MGAT4B: variants seen among roughly 807,000 people sequenced by gnomAD.
MGAT4B encodes alpha-1,3-mannosyl-glycoprotein 4-beta-N-acetylglucosaminyltransferase B.
In MGAT4B, 38 loss-of-function variants were observed where a neutral mutation model predicts 73.9. That is an observed-to-expected ratio of 0.51 (90% confidence interval 0.40 to 0.67). The LOEUF (loss-of-function observed/expected upper bound fraction) is 0.67, where lower values mean the gene tolerates loss of function less well. Ranked by LOEUF, MGAT4B falls within the 30% of genes least tolerant of loss-of-function variation. MGAT4B has a pLI of 0.00. For synonymous variants in MGAT4B, 373 were observed against 313.5 expected, an observed-to-expected ratio of 1.19 and a Z score of -2.01; for missense variants, 686 against 735.2, an observed-to-expected ratio of 0.93 and a Z score of 0.77.
rs778521452 is a variant in MGAT4B at position 179,798,388 on chromosome 5, G to A, written c.1469C>T (p.Thr490Ile). The change falls in exon 13 of 15, where the codon ACC becomes ATC. Residue 490 changes from threonine (T) to isoleucine (I), a missense_variant. Coordinates refer to ENST00000292591, the MANE Select transcript of MGAT4B (RefSeq NM_014275.5). ...GTCGGGGCTCCGAGGGTACCGGAGG[G>A]TGGCGGTGCGGCCCTCCTGCAGGGC... ...KEALQEGRTA[T>I]LRYPRSPDGY... is the part of the protein sequence containing the mutation. 4 of 1,612,778 alleles carry A rather than the reference G, an allele frequency of 2.5e-6. No homozygotes were observed. In the African/African-American group the frequency reaches 4.0e-5, roughly 16 times the overall value.
rs200914476 is a variant in MGAT4B at position 179,801,559 on chromosome 5, G to T, written c.419C>A (p.Thr140Asn). ...CTCCCTGTCTGCGCCCATACCTCCG[G>T]TGCGGCCCTGGCCCACGCGCACCGC... ...QPAVRVGQGR[T>N]GVSVVMGIPS... Residue 140 changes from threonine to asparagine, a missense_variant, in exon 3 of 15, where the codon ACC becomes AAC. Thr to Asn is a moderately conservative substitution (Grantham distance 65). Around this residue, in one of 2 missense-constraint regions of MGAT4B, gnomAD observed 237 missense variants for 198.5 expected, o/e 1.19. Coordinates refer to ENST00000292591, the MANE Select transcript of MGAT4B (RefSeq NM_014275.5). This position sits in a 1 kb window ranked among gnomAD's most constrained non-coding sequence, Gnocchi z 4.8. 26 of 1,609,028 alleles carry T rather than the reference G, an allele frequency of 1.6e-5. No homozygotes were observed. In the East Asian group the frequency reaches 5.6e-4, roughly 35 times the overall value.
rs1756713462 is a variant in MGAT4B, at chr5:179,797,843, C to T, written c.*202G>A. 5 of 668,870 alleles carry T rather than the reference C, an allele frequency of 7.5e-6. No individual in the cohort carries two copies. The highest frequency in any genetic ancestry group is 6.6e-5 in the Admixed American group (2 of 30,096). 41.4% of individuals were successfully genotyped at this position (668,870 alleles called of 1,614,324 possible). On this transcript the variant is annotated 3_prime_UTR_variant, in exon 15 of 15. Transcript: ENST00000292591. ...CAGGCACAGTGTGGGGGCCGCCTGC[C>T]TCCTCCGCGGCCCGGCGGGCGGGGG...
intron 1 of MGAT4B, chr5:179,803,021 A>G (rs1397904731): frequency 4.1e-6 from 4 of 985,300 alleles, no homozygotes; most frequent in African/African-American, 1.7e-5. Context: ...GCCTCACCCC[A>G]CCAGCAGCCC....
At chr5:179,802,197 C>A (rs575875293) in intron 1 of MGAT4B, 393 of 1,484,366 alleles carry the variant, frequency 2.6e-4, no homozygotes, top group Non-Finnish European at 3.4e-4. Flanking sequence ...TACTCTCCCC[C>A]ACCGGGGGTT....
In MGAT4B at chr5:179,798,340, T is replaced by C. The variant is rs762055070; in HGVS notation, c.1510+7A>G. ...CCAGCCCACGCTCTCCCCCAAACCC[T>C]ACCCACCGATCTGGAGGTAGCCGTC... On this transcript the variant is annotated splice_region_variant and intron_variant, in intron 13 of 14. Coordinates refer to ENST00000292591, the MANE Select transcript of MGAT4B (RefSeq NM_014275.5). 6.2e-6 allele frequency: 10 copies of C among 1,612,762 alleles called. No individual in the cohort carries two copies. In the East Asian group the frequency reaches 2.2e-4, roughly 36 times the overall value.
chr5:179,797,926 G>C lies in MGAT4B; in HGVS notation c.*119C>G. 7.8e-6 allele frequency: 11 copies of C among 1,416,658 alleles called. No homozygotes were observed. The highest frequency in any genetic ancestry group is 1.1e-5 in the Non-Finnish European group (11 of 1,033,068). The allele number at this position is 1,416,658 out of a possible 1,614,324, so 87.8% of individuals were successfully genotyped here. A position where few individuals can be genotyped will look rare whatever the true frequency, so the allele number is the denominator to read the frequency against. ...GCGGACCCCAGGCCGGCCCAAGCCC[G>C]ACGCCAGGCAGAACCCTTTGGGCGG... is the stretch of plus-strand genomic sequence containing the variant. On this transcript the variant is annotated 3_prime_UTR_variant, in exon 15 of 15. Coordinates refer to ENST00000292591, the MANE Select transcript of MGAT4B (RefSeq NM_014275.5).
At position 179,804,424 on chromosome 5, in the gene MGAT4B, G is replaced by A. The variant is rs149829352; in HGVS notation, c.97+2063C>T. Among the ~76,000 whole-genome samples the A allele has an allele frequency of 1.1e-4, 16 of 152,278 alleles. No individual in the cohort carries two copies. In the East Asian group the frequency reaches 2.7e-3, roughly 26 times the overall value. Reference sequence around the variant, plus strand: ...GGGAGCGCTGCATGGCTGAGACCCCGGGCTGCCCCCAAGGGTCTGCCTCCC... The same window carrying A: ...GGGAGCGCTGCATGGCTGAGACCCCAGGCTGCCCCCAAGGGTCTGCCTCCC... On this transcript the variant is annotated intron_variant, in intron 1 of 14. Coordinates refer to ENST00000292591, the MANE Select transcript of MGAT4B (RefSeq NM_014275.5).
rs1204507305 is a variant in MGAT4B at position 179,801,670 on chromosome 5, T to C, written c.308A>G (p.Asn103Ser). Reference protein sequence around the residue: ...LTEDPRLKPWNGSHRHVLHLP... With the variant: ...LTEDPRLKPWSGSHRHVLHLP... ...GTGCAGCACGTGCCGGTGTGAGCCG[T>C]TCCACGGCTTCAATCGGGGGTCCTC... The change falls in exon 3 of 15, where the codon AAC becomes AGC. Residue 103 changes from asparagine to serine, a missense_variant. By Grantham distance (46) the Asn-to-Ser change is conservative. Transcript: ENST00000292591. This position sits in a 1 kb window ranked among gnomAD's most constrained non-coding sequence, Gnocchi z 4.8. 34 of 1,607,826 alleles carry C rather than the reference T, an allele frequency of 2.1e-5. No homozygotes were observed. In the East Asian group the frequency reaches 7.4e-4, roughly 35 times the overall value.
chr5:179,802,602 C>G (rs1471710240), intron 1 of MGAT4B: 1 of 989,888 alleles, frequency 1.0e-6, no homozygotes, highest in Non-Finnish European at 1.2e-6. Context: ...GCCCTGGTGC[C>G]TGTGTCTCTG....
chr5:179,802,020 C>T (rs971656313), intron 1 of MGAT4B, 51 bp from the exon 2 acceptor site: 21 of 1,612,670 alleles, frequency 1.3e-5, no homozygotes, highest in African/African-American at 4.0e-5. Context: ...AGCCACCCTA[C>T]GGGCCCCTCC....
chr5:179,805,385 C>T (rs532080631), intron 1 of MGAT4B: 30 of 152,620 alleles, frequency 2.0e-4, no homozygotes, highest in African/African-American at 6.7e-4. Context: ...CCAGCCATGC[C>T]TGCCCTTGAT....
Position 179,799,002 on chromosome 5 carries a change from G to A in MGAT4B, c.1269C>T (p.Asp423=). Residue 423 remains aspartate (D), a synonymous_variant, in exon 11 of 15, where the codon GAC becomes GAT. Coordinates refer to ENST00000292591, the MANE Select transcript of MGAT4B (RefSeq NM_014275.5). ...FTLEKAYLRE[D]FFWAFTPAAG... is the part of the protein sequence containing the mutation. ...CGGCAGGGGTGAAGGCCCAGAAGAA[G>A]TCCTCGCGCAGGTAGGCTTTCTCCA... is the stretch of plus-strand genomic sequence containing the variant. The A allele has an allele frequency of 6.2e-7, 1 of 1,613,894 alleles. No individual in the cohort carries two copies. Among genetic ancestry groups the A allele is most frequent in the African/African-American group, 1.3e-5 (1 of 75,058 alleles).
rs918351031 is a variant in MGAT4B, at chr5:179,806,447, C to T, written c.97+40G>A. ...CGGGCCCGCTCCCGCCGCCGACGCCCAGGTGCGCCAGGTGCGGGCCGGGCG... is the reference window on the plus strand; with the variant it reads ...CGGGCCCGCTCCCGCCGCCGACGCCTAGGTGCGCCAGGTGCGGGCCGGGCG... On this transcript the variant is annotated intron_variant, in intron 1 of 14. Coordinates refer to ENST00000292591, the MANE Select transcript of MGAT4B (RefSeq NM_014275.5). The surrounding 1 kb of genome is among the most constrained non-coding windows in gnomAD (Gnocchi z 4.6). 10 of 1,186,688 alleles carry T rather than the reference C, an allele frequency of 8.4e-6. No individual in the cohort carries two copies. The African/African-American group carries it at 1.3e-4, about 15-fold the overall frequency. 73.5% of individuals were successfully genotyped at this position (1,186,688 alleles called of 1,614,324 possible). A position where few individuals can be genotyped will look rare whatever the true frequency, so the allele number is the denominator to read the frequency against.
intron 6 of MGAT4B, 32 bp downstream of exon 6, chr5:179,800,452 G>A (rs779846243): frequency 6.0e-6 from 9 of 1,495,834 alleles, no homozygotes; most frequent in Middle Eastern, 3.4e-4. Context: ...CAGGCAGGCG[G>A]GTTGCTGAGG....
In MGAT4B at chr5:179,798,281, T is replaced by C; in HGVS notation, c.1511-4A>G. The C allele has an allele frequency of 6.2e-7, 1 of 1,612,732 alleles. No homozygotes were observed. The highest frequency in any genetic ancestry group is 1.3e-5 in the African/African-American group (1 of 75,062). Reference sequence around the variant, plus strand: ...GCCACTCCCTTGTAGAAGGAGCCTGTGGGAGGGCAGTGGTGAGAGGGTGTC... The same window carrying C: ...GCCACTCCCTTGTAGAAGGAGCCTGCGGGAGGGCAGTGGTGAGAGGGTGTC... On this transcript the variant is annotated splice_polypyrimidine_tract_variant and splice_region_variant and intron_variant, in intron 13 of 14. Coordinates refer to ENST00000292591, the MANE Select transcript of MGAT4B (RefSeq NM_014275.5).
Position 179,797,969 on chromosome 5 carries a change from C to T in MGAT4B, c.*76G>A, listed in dbSNP as rs781779117. On this transcript the variant is annotated 3_prime_UTR_variant, in exon 15 of 15. Coordinates refer to ENST00000292591, the MANE Select transcript of MGAT4B (RefSeq NM_014275.5). ...TTGGGCGGGGCCGTATCTGGCCCTC[C>T]GGGGACGGCAGTGACGACACCCCCA... 9.1e-6 allele frequency: 14 copies of T among 1,541,034 alleles called. No individual in the cohort carries two copies. Among genetic ancestry groups the T allele is most frequent in the Admixed American group, 5.8e-5 (3 of 52,140 alleles).
Position 179,801,675 on chromosome 5 carries a change from C to A in MGAT4B, c.303G>T (p.Pro101=). 6.2e-7 allele frequency: 1 copy of A among 1,608,400 alleles called. No individual in the cohort carries two copies. Among genetic ancestry groups the A allele is most frequent in the African/African-American group, 1.3e-5 (1 of 75,044 alleles). The change falls in exon 3 of 15, where the codon CCG becomes CCT. Residue 101 remains proline (P), a synonymous_variant. Transcript: ENST00000292591. The surrounding 1 kb of genome is among the most constrained non-coding windows in gnomAD (Gnocchi z 4.8). ...GCACGTGCCGGTGTGAGCCGTTCCA[C>A]GGCTTCAATCGGGGGTCCTCTGGGT... The part of the protein sequence containing the change: ...GRLTEDPRLK[P]WNGSHRHVLH...
At chr5:179,803,971 C>T (rs1365536440) in intron 1 of MGAT4B, among the ~76,000 whole-genome samples, 4 of 152,370 alleles carry the variant, frequency 2.6e-5, no homozygotes, top group Middle Eastern at 3.4e-3. Context: ...CACCCTATAA[C>T]CCTCGGGAGC....
At chr5:179,804,802 G>A (rs1376928447) in intron 1 of MGAT4B, 1 of 152,148 alleles carries the variant, frequency 6.6e-6, no homozygotes, top group Non-Finnish European at 1.5e-5. Context: ...TTTTCTACAT[G>A]TGACAACGAG....
Sources: allele counts gnomAD v4.1 joint callset (sites outside exome capture counted in the v4.1 genomes callset), GRCh38; gene constraint gnomAD v4.1.1; regional missense constraint gnomAD v4.1.1; non-coding constraint Gnocchi (gnomAD v3.1); transcripts MANE v1.5; gene names NCBI Gene and HGNC (gene_info 2026-07-23, HGNC 2026-07-21).